The following UTRN variants were observed in gnomAD, a reference collection of about 807,000 sequenced individuals.
The protein encoded by UTRN is dystrophin-related protein 1.
A neutral mutation model predicts 463.9 loss-of-function variants in UTRN; 283 were observed. The observed-to-expected ratio is 0.61, with a 90% CI of 0.55 to 0.67. The LOEUF is 0.67. Among genes scored for constraint, UTRN ranks in the 30% least tolerant of loss-of-function variants. The pLI, the probability that UTRN is intolerant of heterozygous loss-of-function variation, is 0.00. For synonymous variants in UTRN, 1,442 were observed against 1,431.5 expected (o/e 1.01, Z -0.17); for missense variants, 3,922 against 4,084.3 (o/e 0.96, Z 1.08).
Position 144,426,393 on chromosome 6 carries a change from A to C in UTRN, c.512A>C (p.Asn171Thr). 6.2e-7 allele frequency: 1 copy of C among 1,614,192 alleles called. No homozygotes were observed. Among genetic ancestry groups the C allele is most frequent in the Non-Finnish European group, 8.5e-7 (1 of 1,180,026 alleles). Residue 171 changes from asparagine (N) to threonine (T), a missense_variant, in exon 7 of 75, where the codon AAC becomes ACC. By Grantham distance (65) the Asn-to-Thr change is moderately conservative. This residue lies in a region of UTRN where 264 missense variants were observed against 327.9 expected (regional missense o/e 0.81). Coordinates refer to ENST00000367545, the MANE Select transcript of UTRN (RefSeq NM_007124.3). ...RQTTRPYSQV[N>T]VLNFTTSWTD... ...ACCACCAGGCCCTACAGCCAAGTCA[A>C]CGTCCTCAACTTCACCACCAGCTGG... is the stretch of plus-strand genomic sequence containing the variant.
intron 2 of UTRN, among the ~76,000 whole-genome samples, chr6:144,307,994 A>G (rs943795653): frequency 6.6e-6 from 1 of 151,962 alleles, no homozygotes; most frequent in African/African-American, 2.4e-5. Context: ...ACTACAGGAG[A>G]GAGAGATAAT....
Position 144,514,017 on chromosome 6 carries a change from A to G in UTRN, c.5053A>G (p.Lys1685Glu), listed in dbSNP as rs1364959440. The change falls in exon 36 of 75, where the codon AAA becomes GAA. Residue 1685 changes from lysine (K) to glutamate (E), a missense_variant. Around this residue, in one of 3 missense-constraint regions of UTRN, gnomAD observed 2,349 missense variants for 2,303.8 expected, o/e 1.02. Coordinates refer to ENST00000367545, the MANE Select transcript of UTRN (RefSeq NM_007124.3). Reference protein sequence around the residue: ...LDEIEKKPTSKQEEIVKRLVS... With the variant: ...LDEIEKKPTSEQEEIVKRLVS... Reference sequence around the variant, plus strand: ...TGAAATTGAAAAGAAACCAACAAGTAAACAGGAAGAAATTGTGAAGGTAGC... The same window carrying G: ...TGAAATTGAAAAGAAACCAACAAGTGAACAGGAAGAAATTGTGAAGGTAGC... 2 of 1,613,860 alleles carry G rather than the reference A, an allele frequency of 1.2e-6. No homozygotes were observed. The highest frequency in any genetic ancestry group is 2.7e-5 in the African/African-American group (2 of 74,938).
chr6:144,502,907 C>T (rs1794331113), intron 34 of UTRN, among the ~76,000 whole-genome samples: 1 of 152,224 alleles, frequency 6.6e-6, no homozygotes, highest in South Asian at 2.1e-4. Flanking sequence ...TCCACTCCAG[C>T]ATCTGTTGTT....
chr6:144,326,851 C>T (rs1348146257), intron 2 of UTRN, among the ~76,000 whole-genome samples: 1 of 152,136 alleles, frequency 6.6e-6, no homozygotes, highest in Non-Finnish European at 1.5e-5. Flanking sequence ...GAATCCCACT[C>T]AAGGAGGGAG....
At chr6:144,375,439 A>G (rs544098636) in intron 2 of UTRN, among the ~76,000 whole-genome samples, 1 of 152,358 alleles carries the variant, frequency 6.6e-6, no homozygotes, top group African/African-American at 2.4e-5. Context: ...GATCTGGGCT[A>G]TACCTTTCAT....
chr6:144,436,651 G>A (rs1163171291), intron 10 of UTRN, among the ~76,000 whole-genome samples: 1 of 151,072 alleles, frequency 6.6e-6, no homozygotes, highest in East Asian at 1.9e-4. Context: ...CTTTTGTATA[G>A]TTATGTGAAT....
At chr6:144,748,622 C>T in intron 55 of UTRN, 108 bp downstream of exon 55, 1 of 1,400,356 alleles carries the variant, frequency 7.1e-7, no homozygotes. Flanking sequence ...TGTTACAAAG[C>T]CAACGCCGCT....
At chr6:144,790,248 A>G (rs1776648325) in intron 62 of UTRN, among the ~76,000 whole-genome samples, 1 of 152,304 alleles carries the variant, frequency 6.6e-6, no homozygotes, top group East Asian at 1.9e-4. Flanking sequence ...TGTGAATTTG[A>G]TCCCACCATG....
At chr6:144,304,244 C>CA (rs1805521584) in intron 2 of UTRN, among the ~76,000 whole-genome samples, 1 of 152,076 alleles carries the variant, frequency 6.6e-6, no homozygotes, top group South Asian at 2.1e-4. Flanking sequence ...CAAGAAAAAA[C>CA]AAAAGCTCTC....
intron 65 of UTRN, among the ~76,000 whole-genome samples, chr6:144,815,920 T>G (rs545145288): frequency 1.3e-5 from 2 of 152,320 alleles, no homozygotes; most frequent in Non-Finnish European, 2.9e-5. Context: ...AATGATAGAA[T>G]GACACCATTT....
At chr6:144,529,168 A>G (rs1796821533) in intron 41 of UTRN, among the ~76,000 whole-genome samples, 1 of 151,816 alleles carries the variant, frequency 6.6e-6, no homozygotes, top group South Asian at 2.1e-4. Context: ...CCCTTCCGCC[A>G]CCCCCACACC....
chr6:144,601,634 A>G (rs141350326), intron 51 of UTRN, among the ~76,000 whole-genome samples: 29 of 152,344 alleles, frequency 1.9e-4, no homozygotes, highest in African/African-American at 6.7e-4. Flanking sequence ...TGAAGATGCT[A>G]TGAACATTAT....
At position 144,821,002 on chromosome 6, in the gene UTRN, G is replaced by A. The variant is rs748885665; in HGVS notation, c.9478G>A (p.Gly3160Ser). Residue 3160 changes from glycine to serine, a missense_variant, in exon 66 of 75, where the codon GGT becomes AGT. Gly to Ser is a moderately conservative substitution (Grantham distance 56). Transcript: ENST00000367545. Reference protein sequence around the residue: ...GYLPVQTVLEGDNLETPITLI... With the variant: ...GYLPVQTVLESDNLETPITLI... ...CCTGCCTGTCCAGACAGTTCTTGAA[G>A]GTGACAACTTAGAGACGTAAGTTTG... 1.1e-5 allele frequency: 17 copies of A among 1,613,360 alleles called. No homozygotes were observed. The highest frequency in any genetic ancestry group is 6.7e-5 in the East Asian group (3 of 44,828).
chr6:144,474,680 G>A lies in UTRN; in HGVS notation c.3257G>A (p.Gly1086Asp). 2 of 1,614,034 alleles carry A rather than the reference G, an allele frequency of 1.2e-6. No homozygotes were observed. The highest frequency in any genetic ancestry group is 1.7e-6 in the Non-Finnish European group (2 of 1,179,964). Residue 1086 changes from glycine (G) to aspartate (D), a missense_variant, in exon 25 of 75, where the codon GGT becomes GAT. Physicochemically the swap from Gly to Asp is moderately conservative, Grantham distance 94 (BLOSUM62 -1). Coordinates refer to ENST00000367545, the MANE Select transcript of UTRN (RefSeq NM_007124.3). ...MKEIETNLRS[G>D]PVAGIKTWVQ... is the part of the protein sequence containing the mutation. Reference sequence around the variant, plus strand: ...GAAATAGAGACTAATCTTCGAAGTGGTCCAGTTGCTGGAATAAAAACTTGG... The same window carrying A: ...GAAATAGAGACTAATCTTCGAAGTGATCCAGTTGCTGGAATAAAAACTTGG...
chr6:144,710,351 A>G (rs899058307), intron 53 of UTRN, among the ~76,000 whole-genome samples: 1 of 152,204 alleles, frequency 6.6e-6, no homozygotes, highest in Non-Finnish European at 1.5e-5. Flanking sequence ...ATGCTGCTGG[A>G]AAAATGTAGC....
chr6:144,814,924 A>G (rs9497090), intron 65 of UTRN, among the ~76,000 whole-genome samples: 28,538 of 152,138 alleles, frequency 0.19, 3,571 homozygotes, highest in Admixed American at 0.35. Flanking sequence ...GGAATCATCA[A>G]TGTAACTTCA....
intron 73 of UTRN, 35 bp downstream of exon 73, chr6:144,840,867 G>C (rs751088872): frequency 1.1e-5 from 18 of 1,595,348 alleles, no homozygotes; most frequent in Admixed American, 3.3e-5. Flanking sequence ...ACAGCTGCAC[G>C]TGTTCCTTCC....
intron 24 of UTRN, 22 bp from the exon 25 acceptor site, chr6:144,474,582 C>G: frequency 6.2e-7 from 1 of 1,601,778 alleles, no homozygotes; most frequent in Non-Finnish European, 8.5e-7. Flanking sequence ...ATGAACTCAA[C>G]ATGCATCTTT....
At chr6:144,434,952 C>G (rs1274185980) in intron 9 of UTRN, among the ~76,000 whole-genome samples, 2 of 152,118 alleles carry the variant, frequency 1.3e-5, no homozygotes, top group Non-Finnish European at 1.5e-5. Flanking sequence ...CAAAAATACT[C>G]TAGTTTGTTG....
Sources: gnomAD v4.1 joint callset for allele counts (sites outside exome capture counted in the v4.1 genomes callset) on GRCh38, gnomAD v4.1.1 for gene constraint, gnomAD v4.1.1 regional missense constraint, MANE v1.5 for transcripts, NCBI Gene and HGNC (gene_info 2026-07-23, HGNC 2026-07-21) for gene names.